The following TANC2 variants were observed in gnomAD, a reference collection of about 807,000 sequenced individuals.
TANC2 encodes tetratricopeptide repeat, ankyrin repeat and coiled-coil containing 2.
A neutral mutation model predicts 210.5 loss-of-function variants in TANC2; 26 were observed. The observed-to-expected ratio is 0.12, with a 90% CI of 0.09 to 0.17. The LOEUF is 0.17. Among genes scored for constraint, TANC2 ranks in the 10% least tolerant of loss-of-function variants. The pLI, the probability that TANC2 is intolerant of heterozygous loss-of-function variation, is 1.00. For missense variants in TANC2, 2,129 were observed against 2,608.9 expected, an observed-to-expected ratio of 0.82 and a Z score of 4.01; for synonymous variants, 931 against 967.1, an observed-to-expected ratio of 0.96 and a Z score of 0.69.
chr17:63,206,496 A>G (rs903200691), intron 7 of TANC2, among the ~76,000 whole-genome samples: 1 of 152,248 alleles, frequency 6.6e-6, no homozygotes, highest in Non-Finnish European at 1.5e-5. Flanking sequence ...TGATATATAC[A>G]TGCAATGAAA....
intron 3 of TANC2, among the ~76,000 whole-genome samples, chr17:63,093,892 C>T (rs1211396382): frequency 6.6e-6 from 1 of 152,088 alleles, no homozygotes; most frequent in Non-Finnish European, 1.5e-5. Flanking sequence ...GCTGGGACTA[C>T]AGGCACATGC....
intron 6 of TANC2, among the ~76,000 whole-genome samples, chr17:63,198,958 A>G (rs2041440092): frequency 6.6e-6 from 1 of 152,210 alleles, no homozygotes. Context: ...TATTATTGAT[A>G]TGATTGAAAA....
At chr17:63,169,417 G>A (rs2040324565) in intron 5 of TANC2, among the ~76,000 whole-genome samples, 1 of 152,144 alleles carries the variant, frequency 6.6e-6, no homozygotes, top group Non-Finnish European at 1.5e-5. Context: ...GTTAACAGAT[G>A]CTTCCCAGTG....
intron 2 of TANC2, among the ~76,000 whole-genome samples, chr17:63,044,785 A>C (rs1463565369): frequency 2.0e-5 from 3 of 152,152 alleles, no homozygotes; most frequent in African/African-American, 7.2e-5. Context: ...GAGAAAGGTA[A>C]TGTCCTAGTG....
intron 21 of TANC2, 50 bp from the exon 22 acceptor site, chr17:63,411,461 C>A: frequency 1.3e-6 from 2 of 1,541,866 alleles, no homozygotes; most frequent in South Asian, 1.3e-5. Context: ...TCCCCTCCTG[C>A]TGTGTGATTC....
chr17:63,077,123 A>T (rs1241419903), intron 3 of TANC2, among the ~76,000 whole-genome samples: 12 of 152,120 alleles, frequency 7.9e-5, no homozygotes, highest in Non-Finnish European at 8.8e-5. Context: ...CTGGAGCCAA[A>T]CAGATCGTTC....
chr17:63,386,318 C>G (rs182115887), intron 15 of TANC2, among the ~76,000 whole-genome samples: 1 of 152,106 alleles, frequency 6.6e-6, no homozygotes, highest in Admixed American at 6.5e-5. Context: ...AATTTGAACA[C>G]TGTTGGGATA....
At chr17:63,045,544 A>G (rs1227978423) in intron 2 of TANC2, among the ~76,000 whole-genome samples, 1 of 152,092 alleles carries the variant, frequency 6.6e-6, no homozygotes, top group African/African-American at 2.4e-5. Flanking sequence ...TTTCACTTCG[A>G]TATTTTTAAT....
rs576672418 is a variant in TANC2 at position 63,131,702 on chromosome 17, A to C, written c.323-19568A>C. 9.9e-5 allele frequency among the ~76,000 whole-genome samples: 15 copies of C among 152,212 alleles called. 1 individual carries two copies. The highest frequency in any genetic ancestry group is 1.6e-4 in the Non-Finnish European group (11 of 68,034). ...ATTATCATTTAAAGGACTTGTTAAA[A>C]CACAGATTGCTGTGCCCCACCCTCA... On this transcript the variant is annotated intron_variant, in intron 4 of 27. Transcript: ENST00000689528.
chr17:63,388,997 A>G (rs1318210526), intron 16 of TANC2, among the ~76,000 whole-genome samples: 1 of 152,192 alleles, frequency 6.6e-6, no homozygotes, highest in Admixed American at 6.5e-5. Flanking sequence ...GCTGGTTCCA[A>G]AGAGTAAATT....
At chr17:63,376,278 C>CAA (rs773965665) in intron 14 of TANC2, among the ~76,000 whole-genome samples, 4 of 120,842 alleles carry the variant, frequency 3.3e-5, no homozygotes, top group South Asian at 2.7e-4. Flanking sequence ...CTAAAAAATA[C>CAA]AAAAAAAAAA....
intron 19 of TANC2, among the ~76,000 whole-genome samples, chr17:63,404,777 C>T (rs1034354635): frequency 6.6e-6 from 1 of 151,932 alleles, no homozygotes. Flanking sequence ...TCCACCCACA[C>T]GTAGACTAAC....
At chr17:63,163,093 A>T (rs2145496923) in intron 5 of TANC2, among the ~76,000 whole-genome samples, 1 of 151,808 alleles carries the variant, frequency 6.6e-6, no homozygotes. Context: ...ATGACTGTGA[A>T]ATCTAAGCCA....
chr17:63,417,300 A>G (rs1219873779), intron 26 of TANC2, among the ~76,000 whole-genome samples: 1 of 152,202 alleles, frequency 6.6e-6, no homozygotes, highest in Non-Finnish European at 1.5e-5. Context: ...ACTCATGACC[A>G]TAACCAGAGG....
At chr17:63,120,829 A>AAC (rs1400923971) in intron 4 of TANC2, 1 of 151,022 alleles carries the variant, frequency 6.6e-6, no homozygotes, top group Non-Finnish European at 1.5e-5. Flanking sequence ...AAAAAAAAAA[A>AAC]AAAAAAAAAA....
At chr17:63,284,692 A>ATT (rs2044167449) in intron 9 of TANC2, among the ~76,000 whole-genome samples, 1 of 152,026 alleles carries the variant, frequency 6.6e-6, no homozygotes, top group Non-Finnish European at 1.5e-5. Flanking sequence ...TAAATGTTTC[A>ATT]TATGCAATTG....
chr17:63,221,442 C>CAAAAAAAAAAA (rs755699051), intron 7 of TANC2, among the ~76,000 whole-genome samples: 1 of 87,520 alleles, frequency 1.1e-5, no homozygotes, highest in African/African-American at 4.3e-5. Context: ...GACTCCATCT[C>CAAAAAAAAAAA]AAAAAAAAAA....
At chr17:63,124,634 G>A (rs2038634311) in intron 4 of TANC2, among the ~76,000 whole-genome samples, 1 of 152,182 alleles carries the variant, frequency 6.6e-6, no homozygotes. Context: ...TGGTGTCTGT[G>A]ATATATAGTC....
intron 3 of TANC2, among the ~76,000 whole-genome samples, chr17:63,090,213 G>T: frequency 1.8e-5 from 2 of 111,388 alleles, no homozygotes. Context: ...TTTTTTTTTT[G>T]AGTTTTTTTT....
Sources: allele counts gnomAD v4.1 joint callset (sites outside exome capture counted in the v4.1 genomes callset), GRCh38; gene constraint gnomAD v4.1.1; transcripts MANE v1.5; gene names NCBI Gene and HGNC (gene_info 2026-07-23, HGNC 2026-07-21).